The following MAST4 variants were observed in gnomAD, a reference collection of about 807,000 sequenced individuals.
MAST4 encodes the protein microtubule associated serine/threonine kinase family member 4.
A neutral mutation model predicts 162.7 loss-of-function variants in MAST4; 89 were observed. That is an observed-to-expected ratio of 0.55 (90% CI 0.46 to 0.65). The LOEUF (loss-of-function observed/expected upper bound fraction) is 0.65, where lower values mean the gene tolerates loss of function less well. MAST4 is among the 30% of genes least tolerant of loss of function. MAST4 has a pLI of 0.00. For synonymous variants in MAST4, 1,479 were observed against 1,361.1 expected, an observed-to-expected ratio of 1.09 and a Z score of -1.91; for missense variants, 3,153 against 3,374.0, an observed-to-expected ratio of 0.93 and a Z score of 1.62.
At chr5:66,879,017 C>T (rs373962274) in intron 3 of MAST4, among the ~76,000 whole-genome samples, 2 of 152,182 alleles carry the variant, frequency 1.3e-5, no homozygotes, top group Non-Finnish European at 2.9e-5. Context: ...TGGTGGCTCA[C>T]GCCTGTAATC....
At chr5:66,857,782 C>A (rs1400189245) in intron 3 of MAST4, among the ~76,000 whole-genome samples, 1 of 152,042 alleles carries the variant, frequency 6.6e-6, no homozygotes, top group African/African-American at 2.4e-5. Flanking sequence ...TATCTTATTT[C>A]AGTCTGCTGT....
At chr5:66,620,094 A>G (rs2149405807) in intron 1 of MAST4, among the ~76,000 whole-genome samples, 1 of 149,658 alleles carries the variant, frequency 6.7e-6, no homozygotes, top group South Asian at 2.1e-4. Flanking sequence ...GATAGTACTT[A>G]AAAATAATTG....
intron 4 of MAST4, chr5:67,001,395 A>G (rs1485888151): frequency 2.0e-5 from 3 of 151,848 alleles, no homozygotes; most frequent in Non-Finnish European, 4.4e-5. Flanking sequence ...TACTTAACCT[A>G]TTTTTATTTT....
At chr5:66,852,207 G>T (rs1475131772) in intron 3 of MAST4, among the ~76,000 whole-genome samples, 1 of 152,132 alleles carries the variant, frequency 6.6e-6, no homozygotes, top group African/African-American at 2.4e-5. Context: ...GAGTGCCGTG[G>T]TGCAATCATG....
intron 19 of MAST4, among the ~76,000 whole-genome samples, chr5:67,140,448 C>T (rs1204817394): frequency 1.3e-5 from 2 of 152,208 alleles, no homozygotes; most frequent in Non-Finnish European, 2.9e-5. Context: ...ATAGAACAGC[C>T]ACGTGAGTTG....
chr5:66,635,202 G>A (rs961067769), intron 1 of MAST4, among the ~76,000 whole-genome samples: 1 of 152,162 alleles, frequency 6.6e-6, no homozygotes, highest in East Asian at 1.9e-4. Context: ...CTGAACAGCC[G>A]CCATTTCCAA....
At chr5:66,934,292 C>A (rs1474240013) in intron 4 of MAST4, among the ~76,000 whole-genome samples, 1 of 148,058 alleles carries the variant, frequency 6.8e-6, no homozygotes, top group Non-Finnish European at 1.5e-5. Context: ...TCTCCTATAA[C>A]TTTTCTGATA....
intron 4 of MAST4, among the ~76,000 whole-genome samples, chr5:67,012,202 A>G (rs1437240055): frequency 6.6e-6 from 1 of 152,154 alleles, no homozygotes; most frequent in African/African-American, 2.4e-5. Context: ...GATAGAGACC[A>G]TTTGCCTTCT....
intron 2 of MAST4, among the ~76,000 whole-genome samples, chr5:66,774,362 A>G (rs529786342): frequency 1.3e-5 from 2 of 152,358 alleles, no homozygotes; most frequent in Admixed American, 6.5e-5. Context: ...CGTAAATAAC[A>G]GTAAACAAAG....
chr5:67,063,795 G>A (rs1759917869), intron 5 of MAST4, among the ~76,000 whole-genome samples: 1 of 152,080 alleles, frequency 6.6e-6, no homozygotes, highest in Non-Finnish European at 1.5e-5. Context: ...AGTCCCAGCT[G>A]GATCTTAATT....
At chr5:67,032,829 A>G (rs1027404616) in intron 4 of MAST4, among the ~76,000 whole-genome samples, 2 of 152,150 alleles carry the variant, frequency 1.3e-5, no homozygotes, top group African/African-American at 4.8e-5. Context: ...AAATACACAA[A>G]CACACTTATA....
At chr5:67,016,782 C>G (rs1753334220) in intron 4 of MAST4, among the ~76,000 whole-genome samples, 1 of 152,144 alleles carries the variant, frequency 6.6e-6, no homozygotes, top group Admixed American at 6.5e-5. Context: ...CTGAGCTTTC[C>G]CTGTATGTAT....
chr5:67,059,256 G>A (rs933977404), intron 5 of MAST4, among the ~76,000 whole-genome samples: 1 of 152,196 alleles, frequency 6.6e-6, no homozygotes, highest in African/African-American at 2.4e-5. Flanking sequence ...AAATCTGACT[G>A]CTGCTCCTTC....
chr5:66,912,524 T>G (rs1367158884), intron 4 of MAST4, among the ~76,000 whole-genome samples: 1 of 152,208 alleles, frequency 6.6e-6, no homozygotes, highest in Non-Finnish European at 1.5e-5. Flanking sequence ...TACACTGGAA[T>G]GAAATTAATA....
intron 1 of MAST4, among the ~76,000 whole-genome samples, chr5:66,752,749 C>T (rs1416590960): frequency 4.0e-5 from 6 of 148,162 alleles, no homozygotes; most frequent in Admixed American, 3.3e-4. Flanking sequence ...GACAGAAAGT[C>T]AACAAGGATA....
At chr5:66,806,796 T>C (rs1010415354) in intron 3 of MAST4, among the ~76,000 whole-genome samples, 9 of 152,230 alleles carry the variant, frequency 5.9e-5, no homozygotes, top group Non-Finnish European at 1.0e-4. Context: ...TACTTTTTTA[T>C]TACATCTCCT....
At chr5:66,745,416 G>A (rs6880901) in intron 1 of MAST4, among the ~76,000 whole-genome samples, 4,492 of 152,224 alleles carry the variant, frequency 0.03, 180 homozygotes, top group African/African-American at 0.088. Flanking sequence ...CGTGGTGGAT[G>A]GATTTGAAAA....
At position 67,142,481 on chromosome 5, in the gene MAST4, A is replaced by G; in HGVS notation, c.2678A>G (p.Asp893Gly). Reference protein sequence around the residue: ...TEEEDDTNDEDFNVEIRQFSS... With the variant: ...TEEEDDTNDEGFNVEIRQFSS... ...GAAGAAGATGACACAAATGATGAAG[A>G]CTTTAATGTGGAAATAAGGCAGTTT... The change falls in exon 21 of 29, where the codon GAC (aspartate) becomes GGC (glycine). Residue 893 changes from aspartate to glycine, a missense_variant. Around this residue, in one of 7 missense-constraint regions of MAST4, gnomAD observed 619 missense variants for 744.2 expected, o/e 0.83. Coordinates refer to ENST00000403625, the MANE Select transcript of MAST4 (RefSeq NM_001164664.2). 2 of 1,599,316 alleles carry G rather than the reference A, an allele frequency of 1.3e-6. No individual in the cohort carries two copies. Among genetic ancestry groups the G allele is most frequent in the Non-Finnish European group, 1.7e-6 (2 of 1,172,432 alleles).
intron 14 of MAST4, among the ~76,000 whole-genome samples, chr5:67,126,061 C>T (rs923059132): frequency 6.6e-6 from 1 of 152,104 alleles, no homozygotes; most frequent in African/African-American, 2.4e-5. Context: ...AGTGTCTGTT[C>T]ATATCCTTCT....
Sources: gnomAD v4.1 joint callset for allele counts (sites outside exome capture counted in the v4.1 genomes callset) on GRCh38, gnomAD v4.1.1 for gene constraint, gnomAD v4.1.1 regional missense constraint, MANE v1.5 for transcripts, NCBI Gene and HGNC (gene_info 2026-07-23, HGNC 2026-07-21) for gene names.